Variants in HTR1E observed in about 807,000 individuals in gnomAD.
HTR1E encodes the protein 5-HT-1E.
HTR1E carries 3 observed loss-of-function variants against 3.4 expected under a neutral mutation model. That is an observed-to-expected ratio of 0.89 (90% confidence interval 0.41 to 2.31). The LOEUF is 2.31. Among genes scored for constraint, HTR1E ranks in the 30% most tolerant of loss-of-function variants. The probability of loss-of-function intolerance (pLI) is 0.05; values close to 1 mark genes in which losing one functional copy is unlikely to be tolerated. For synonymous variants in HTR1E, 170 were observed against 182.8 expected (o/e 0.93, Z 0.56); for missense variants, 392 against 467.0 (o/e 0.84, Z 1.48).
chr6:86,978,083 A>G (rs1400826973), intron 1 of HTR1E, among the ~76,000 whole-genome samples: 1 of 152,160 alleles, frequency 6.6e-6, no homozygotes, highest in Non-Finnish European at 1.5e-5. Flanking sequence ...TTTTTTGCTG[A>G]AGTAAATCAT....
intron 1 of HTR1E, among the ~76,000 whole-genome samples, chr6:86,952,943 T>A (rs777562394): frequency 6.6e-6 from 1 of 151,938 alleles, no homozygotes; most frequent in Non-Finnish European, 1.5e-5. Context: ...AGGTGAAGAG[T>A]AGGATAAATA....
intron 1 of HTR1E, among the ~76,000 whole-genome samples, chr6:87,009,639 C>T (rs1226938354): frequency 6.8e-6 from 1 of 146,332 alleles, no homozygotes; most frequent in African/African-American, 2.6e-5. Context: ...TAGGGGCGGC[C>T]GGGCAGAGGC....
At chr6:87,008,606 C>T (rs1768153695) in intron 1 of HTR1E, among the ~76,000 whole-genome samples, 1 of 152,108 alleles carries the variant, frequency 6.6e-6, no homozygotes, top group African/African-American at 2.4e-5. Context: ...AGCAGCCATT[C>T]TCTGTGGGGA....
At chr6:86,975,058 T>C (rs1767610835) in intron 1 of HTR1E, among the ~76,000 whole-genome samples, 1 of 152,184 alleles carries the variant, frequency 6.6e-6, no homozygotes, top group South Asian at 2.1e-4. Context: ...GGAGTTTTTA[T>C]TGCATTTGGG....
At chr6:86,949,369 C>T (rs747305753) in intron 1 of HTR1E, among the ~76,000 whole-genome samples, 4 of 152,166 alleles carry the variant, frequency 2.6e-5, no homozygotes, top group Non-Finnish European at 5.9e-5. Flanking sequence ...GCTGCTGCTG[C>T]TGCTGTTGTT....
At chr6:86,964,154 A>G (rs1205885738) in intron 1 of HTR1E, among the ~76,000 whole-genome samples, 3 of 152,200 alleles carry the variant, frequency 2.0e-5, no homozygotes, top group Admixed American at 1.3e-4. Context: ...TCTAGTTTGA[A>G]AAACAAAATC....
intron 1 of HTR1E, among the ~76,000 whole-genome samples, chr6:86,976,993 T>TCTA (rs1767647765): frequency 6.6e-6 from 1 of 152,218 alleles, no homozygotes; most frequent in Non-Finnish European, 1.5e-5. Context: ...TTTAAGATGC[T>TCTA]CTATTAACTA....
chr6:86,988,237 G>T (rs1767820142), intron 1 of HTR1E, among the ~76,000 whole-genome samples: 1 of 152,106 alleles, frequency 6.6e-6, no homozygotes, highest in African/African-American at 2.4e-5. Context: ...AGAGGACCAT[G>T]CCCTGAAACT....
intron 1 of HTR1E, among the ~76,000 whole-genome samples, chr6:86,990,982 G>A (rs1312671851): frequency 6.6e-6 from 1 of 152,132 alleles, no homozygotes; most frequent in Non-Finnish European, 1.5e-5. Context: ...AACACCACCA[G>A]TAATGTCAAG....
intron 1 of HTR1E, among the ~76,000 whole-genome samples, chr6:86,971,618 G>A (rs1364324158): frequency 6.6e-6 from 1 of 150,850 alleles, no homozygotes; most frequent in East Asian, 1.9e-4. Flanking sequence ...AAAAAAAAAT[G>A]AGTTTGGATT....
chr6:86,952,029 C>T (rs1767252406), intron 1 of HTR1E, among the ~76,000 whole-genome samples: 1 of 152,156 alleles, frequency 6.6e-6, no homozygotes, highest in Non-Finnish European at 1.5e-5. Flanking sequence ...GTACACGATG[C>T]CTACTTTAAA....
rs768452385 is a variant in HTR1E, at chr6:87,015,512, C to G, written c.178C>G (p.Leu60Val). 1.2e-6 allele frequency: 2 copies of G among 1,613,668 alleles called. No homozygotes were observed. ...TKKLHQPANY[L>V]ICSLAVTDLL... ...GAAGCTCCACCAGCCTGCCAACTAC[C>G]TAATCTGTTCTCTGGCCGTGACGGA... Residue 60 changes from leucine (L) to valine (V), a missense_variant, in exon 2 of 2, where the codon CTA becomes GTA. This residue lies in a region of HTR1E where 189 missense variants were observed against 258.0 expected (regional missense o/e 0.73). Transcript: ENST00000305344.
rs374165225 is a variant in HTR1E, at chr6:86,985,255, G to A, written c.-185-29895G>A. 1.7e-4 allele frequency among the ~76,000 whole-genome samples: 26 copies of A among 151,976 alleles called. No homozygotes were observed. The South Asian group carries it at 5.2e-3, about 30-fold the overall frequency. Reference sequence around the variant, plus strand: ...GTATATTTTTAGGATTCCAATGTAGGAGCGCCAAAACTAGAGACAGAAAAA... The same window carrying A: ...GTATATTTTTAGGATTCCAATGTAGAAGCGCCAAAACTAGAGACAGAAAAA... On this transcript the variant is annotated intron_variant, in intron 1 of 1. Coordinates refer to ENST00000305344, the MANE Select transcript of HTR1E (RefSeq NM_000865.3).
intron 1 of HTR1E, among the ~76,000 whole-genome samples, chr6:86,986,918 A>G (rs1479207865): frequency 6.6e-6 from 1 of 152,168 alleles, no homozygotes; most frequent in Non-Finnish European, 1.5e-5. Flanking sequence ...CCTCTTTCAT[A>G]ACCATACTAT....
intron 1 of HTR1E, among the ~76,000 whole-genome samples, chr6:86,944,361 T>C (rs1768586010): frequency 6.6e-6 from 1 of 152,192 alleles, no homozygotes; most frequent in South Asian, 2.1e-4. Context: ...TGCCACAATA[T>C]AAGACATCAG....
chr6:87,015,460 T>G lies in HTR1E; in HGVS notation c.126T>G (p.Ala42=). The part of the protein sequence containing the change: ...ITTLTTLLNL[A]VIMAIGTTKK... ...CCCTCACCACGTTGCTGAACTTGGC[T>G]GTGATCATGGCTATTGGCACCACCA... The change falls in exon 2 of 2, where the codon GCT becomes GCG. Residue 42 remains alanine, a synonymous_variant. Coordinates refer to ENST00000305344, the MANE Select transcript of HTR1E (RefSeq NM_000865.3). The G allele has an allele frequency of 6.2e-7, 1 of 1,614,078 alleles. No homozygotes were observed. The highest frequency in any genetic ancestry group is 8.5e-7 in the Non-Finnish European group (1 of 1,179,992).
At chr6:86,974,657 C>T (rs998042519) in intron 1 of HTR1E, among the ~76,000 whole-genome samples, 3 of 152,100 alleles carry the variant, frequency 2.0e-5, no homozygotes, top group African/African-American at 4.8e-5. Flanking sequence ...TGATTTCTTC[C>T]AGTCTTCTCA....
At chr6:87,014,955 T>TA (rs571364580) in intron 1 of HTR1E, among the ~76,000 whole-genome samples, 195 bp from the exon 2 acceptor site, 25 of 150,328 alleles carry the variant, frequency 1.7e-4, no homozygotes, top group South Asian at 2.1e-4. Context: ...AAGTATAATT[T>TA]AAAAAAAAAC....
chr6:86,972,918 C>T (rs191162151), intron 1 of HTR1E, among the ~76,000 whole-genome samples: 2 of 152,242 alleles, frequency 1.3e-5, no homozygotes, highest in African/African-American at 4.8e-5. Context: ...TAACTAGATC[C>T]TAGTTCCCAG....
Sources: gnomAD v4.1 joint callset for allele counts (sites outside exome capture counted in the v4.1 genomes callset) on GRCh38, gnomAD v4.1.1 for gene constraint, gnomAD v4.1.1 regional missense constraint, MANE v1.5 for transcripts, NCBI Gene and HGNC (gene_info 2026-07-23, HGNC 2026-07-21) for gene names.